Variants in TMEM106B observed in about 807,000 individuals in gnomAD.
TMEM106B encodes transmembrane protein 106B.
Under a neutral mutation model 31.1 loss-of-function variants are expected in TMEM106B, and 15 were observed. That is an observed-to-expected ratio of 0.48 (90% CI 0.32 to 0.74). The LOEUF (loss-of-function observed/expected upper bound fraction) is 0.74. Ranked by LOEUF, TMEM106B falls within the 30% of genes least tolerant of loss-of-function variation. TMEM106B has a pLI of 0.03. For synonymous variants in TMEM106B, 126 were observed against 112.5 expected, an observed-to-expected ratio of 1.12 and a Z score of -0.76; for missense variants, 283 against 327.3, an observed-to-expected ratio of 0.86 and a Z score of 1.04.
chr7:12,229,968 G>C, intron 5 of TMEM106B, 149 bp downstream of exon 5: 1 of 881,842 alleles, frequency 1.1e-6, no homozygotes, highest in Non-Finnish European at 1.7e-6. Context: ...TGTGATCCCC[G>C]CACCTTGGGA....
chr7:12,231,972 G>T lies in TMEM106B; in HGVS notation c.822G>T (p.Gln274His). Reference sequence around the variant, plus strand: ...ATTTAAATGTACTTCAGCCACAACAGTAAAAACTGGAAGAGATGGATTTAA... The same window carrying T: ...ATTTAAATGTACTTCAGCCACAACATTAAAAACTGGAAGAGATGGATTTAA... ...SEYLNVLQPQ[Q>H] is the part of the protein sequence containing the mutation. Residue 274 changes from glutamine to histidine, a missense_variant, in exon 8 of 8, where the codon CAG becomes CAT. Physicochemically the swap from Gln to His is conservative, Grantham distance 24 (BLOSUM62 0). Coordinates refer to ENST00000396668, the MANE Select transcript of TMEM106B (RefSeq NM_001134232.2). 1 of 1,609,430 alleles carries T rather than the reference G, an allele frequency of 6.2e-7. No individual in the cohort carries two copies. The highest frequency in any genetic ancestry group is 1.3e-5 in the African/African-American group (1 of 74,878).
chr7:12,229,597 A>T, intron 4 of TMEM106B, 82 bp from the exon 5 acceptor site: 1 of 1,080,144 alleles, frequency 9.3e-7, no homozygotes, highest in Non-Finnish European at 1.3e-6. Flanking sequence ...AAGCATAGCT[A>T]CAGCTGAAGT....
rs1365008771 is a variant in TMEM106B at position 12,235,680 on chromosome 7, C to A, written c.*3705C>A. The A allele has an allele frequency of 1.3e-5, 2 of 151,722 alleles. No homozygotes were observed. The highest frequency in any genetic ancestry group is 3.0e-5 in the Non-Finnish European group (2 of 67,782). The allele number at this position is 151,722 out of a possible 1,614,324, so 9.4% of individuals were successfully genotyped here. A position where few individuals can be genotyped will look rare whatever the true frequency, so the allele number is the denominator to read the frequency against. ...CTCTCCCGCACCCCATTTTGTTTGT[C>A]TTTTAAAGTTCTTAGAATAAACAGT... On this transcript the variant is annotated 3_prime_UTR_variant, in exon 8 of 8. Coordinates refer to ENST00000396668, the MANE Select transcript of TMEM106B (RefSeq NM_001134232.2).
intron 4 of TMEM106B, 107 bp downstream of exon 4, chr7:12,224,492 A>T: frequency 1.1e-6 from 1 of 887,324 alleles, no homozygotes; most frequent in Non-Finnish European, 1.7e-6. Context: ...GACACTGGTC[A>T]GTGTGCTTTC....
intron 3 of TMEM106B, among the ~76,000 whole-genome samples, chr7:12,218,868 G>T (rs1781737079): frequency 6.6e-6 from 1 of 152,104 alleles, no homozygotes; most frequent in African/African-American, 2.4e-5. Context: ...GGTGACAGCA[G>T]GGACCCCAAC....
rs1403177096 is a variant in TMEM106B, at chr7:12,239,492, A to G, written c.*7517A>G. 1 of 152,160 alleles carries G rather than the reference A, an allele frequency of 6.6e-6. No homozygotes were observed. The highest frequency in any genetic ancestry group is 6.5e-5 in the Admixed American group (1 of 15,268). 9.4% of individuals were successfully genotyped at this position (152,160 alleles called of 1,614,324 possible). Reference sequence around the variant, plus strand: ...TCAAGAACTTTTCCTTTGCCTTCACAACTTGTGCAAGAGACCTAGCTTTCA... The same window carrying G: ...TCAAGAACTTTTCCTTTGCCTTCACGACTTGTGCAAGAGACCTAGCTTTCA... On this transcript the variant is annotated 3_prime_UTR_variant, in exon 8 of 8. Transcript: ENST00000396668.
In TMEM106B at chr7:12,230,580, G is replaced by C; in HGVS notation, c.632+142G>C. ...AGTATTCTGGCTTCTGGTCCTCTCTGTTCCTCTTTTTCAACATATATAATA... is the reference window on the plus strand; with the variant it reads ...AGTATTCTGGCTTCTGGTCCTCTCTCTTCCTCTTTTTCAACATATATAATA... On this transcript the variant is annotated intron_variant, in intron 6 of 7. Transcript: ENST00000396668. The C allele has an allele frequency of 5.5e-6, 3 of 545,796 alleles. No homozygotes were observed. In the South Asian group the frequency reaches 8.8e-5, roughly 16 times the overall value. 33.8% of individuals were successfully genotyped at this position (545,796 alleles called of 1,614,324 possible).
At chr7:12,223,722 CTTTTTTT>C (rs34413750) in intron 3 of TMEM106B, among the ~76,000 whole-genome samples, 2 of 135,694 alleles carry the variant, frequency 1.5e-5, no homozygotes, top group African/African-American at 2.8e-5. Context: ...AATGTGATTC[CTTTTTTT>C]TTTTTTTTTG....
chr7:12,229,743 T>C lies in TMEM106B; in HGVS notation c.506T>C (p.Val169Ala). The C allele has an allele frequency of 1.2e-6, 2 of 1,613,412 alleles. No homozygotes were observed. Among genetic ancestry groups the C allele is most frequent in the Non-Finnish European group, 1.7e-6 (2 of 1,179,686 alleles). Reference sequence around the variant, plus strand: ...GAAGTTGAAAACATCACTGCCCAAGTTCAATTTTCAAAAACAGTTATTGGA... The same window carrying C: ...GAAGTTGAAAACATCACTGCCCAAGCTCAATTTTCAAAAACAGTTATTGGA... Reference protein sequence around the residue: ...SVEVENITAQVQFSKTVIGKA... With the variant: ...SVEVENITAQAQFSKTVIGKA... Residue 169 changes from valine (V) to alanine (A), a missense_variant, in exon 5 of 8, where the codon GTT (valine) becomes GCT (alanine). Physicochemically the swap from Val to Ala is moderately conservative, Grantham distance 64 (BLOSUM62 0). Around this residue, in one of 3 missense-constraint regions of TMEM106B, gnomAD observed 201 missense variants for 211.5 expected, o/e 0.95. Transcript: ENST00000396668.
At chr7:12,221,761 C>G (rs1016081374) in intron 3 of TMEM106B, among the ~76,000 whole-genome samples, 32 of 152,094 alleles carry the variant, frequency 2.1e-4, no homozygotes, top group African/African-American at 7.7e-4. Flanking sequence ...AACTGGGTGT[C>G]CAGAAAGCCA....
At position 12,242,613 on chromosome 7, in the gene TMEM106B, G is replaced by A. The variant is rs1333565925; in HGVS notation, c.*10638G>A. 6.6e-6 allele frequency: 1 copy of A among 152,006 alleles called. No homozygotes were observed. The highest frequency in any genetic ancestry group is 2.4e-5 in the African/African-American group (1 of 41,400). 9.4% of individuals were successfully genotyped at this position (152,006 alleles called of 1,614,324 possible). A position where few individuals can be genotyped will look rare whatever the true frequency, so the allele number is the denominator to read the frequency against. On this transcript the variant is annotated 3_prime_UTR_variant, in exon 8 of 8. Transcript: ENST00000396668. The stretch of plus-strand genomic sequence containing the variant: ...TTTATGCATCTGATATTATCTAATT[G>A]TGTCCTTACTGGGTAACTTGTGTAT...
intron 1 of TMEM106B, 23 bp from the exon 2 acceptor site, chr7:12,214,786 G>C (rs1215000091): frequency 1.3e-6 from 2 of 1,564,552 alleles, no homozygotes; most frequent in South Asian, 1.2e-5. Context: ...GAAGTTTACT[G>C]TAAGATTTTT....
rs1336424537 is a variant in TMEM106B at position 12,236,137 on chromosome 7, C to G, written c.*4162C>G. The G allele has an allele frequency of 6.6e-6, 1 of 151,932 alleles. No homozygotes were observed. The highest frequency in any genetic ancestry group is 1.9e-4 in the East Asian group (1 of 5,190). The allele number at this position is 151,932 out of a possible 1,614,324, so 9.4% of individuals were successfully genotyped here. On this transcript the variant is annotated 3_prime_UTR_variant, in exon 8 of 8. Transcript: ENST00000396668. ...AAAATTTAACTTCTGTGTCCCAGAT[C>G]TACTTTCAAAGTGAGATTTTCACTT...
At position 12,224,516 on chromosome 7, in the gene TMEM106B, T is replaced by A. The variant is rs1445475491; in HGVS notation, c.441+131T>A. On this transcript the variant is annotated intron_variant, in intron 4 of 7. Coordinates refer to ENST00000396668, the MANE Select transcript of TMEM106B (RefSeq NM_001134232.2). Reference sequence around the variant, plus strand: ...CAGTGTGCTTTCTGTATGTCTTTTCTGTATTGACGTTCTCTACCATTTCTG... The same window carrying A: ...CAGTGTGCTTTCTGTATGTCTTTTCAGTATTGACGTTCTCTACCATTTCTG... The A allele has an allele frequency of 2.4e-5, 16 of 678,392 alleles. No homozygotes were observed. The East Asian group carries it at 4.4e-4, about 19-fold the overall frequency. The allele number at this position is 678,392 out of a possible 1,614,324, so 42.0% of individuals were successfully genotyped here.
At position 12,239,597 on chromosome 7, in the gene TMEM106B, AAGTG is replaced by A. The variant is rs1488549486; in HGVS notation, c.*7625_*7628del. On this transcript the variant is annotated 3_prime_UTR_variant, in exon 8 of 8. Transcript: ENST00000396668. Reference sequence around the variant, plus strand: ...GTAATTATTTCTAGCTTTTGATTGAAAGTGAGAGATATGTGACTCTTCCTTTTAC... The same window carrying A: ...GTAATTATTTCTAGCTTTTGATTGAAAGAGATATGTGACTCTTCCTTTTAC... 6.6e-6 allele frequency: 1 copy of A among 152,102 alleles called. No individual in the cohort carries two copies. Among genetic ancestry groups the A allele is most frequent in the African/African-American group, 2.4e-5 (1 of 41,418 alleles). 9.4% of individuals were successfully genotyped at this position (152,102 alleles called of 1,614,324 possible). A position where few individuals can be genotyped will look rare whatever the true frequency, so the allele number is the denominator to read the frequency against.
chr7:12,221,073 G>A (rs1339274232), intron 3 of TMEM106B, among the ~76,000 whole-genome samples: 1 of 141,772 alleles, frequency 7.1e-6, no homozygotes, highest in African/African-American at 2.7e-5. Context: ...AAGAGGGAGT[G>A]GATAAGCAAG....
intron 1 of TMEM106B, among the ~76,000 whole-genome samples, chr7:12,212,875 C>G (rs1032422728): frequency 6.6e-6 from 1 of 152,124 alleles, no homozygotes; most frequent in African/African-American, 2.4e-5. Context: ...GAAAGAAATA[C>G]TATCTGTCTG....
chr7:12,228,450 A>G (rs1781948891), intron 4 of TMEM106B, among the ~76,000 whole-genome samples: 1 of 109,110 alleles, frequency 9.2e-6, no homozygotes, highest in South Asian at 3.4e-4. Context: ...TTTCCTAATT[A>G]TCTGACTTAA....
At chr7:12,230,260 A>G (rs1169569641) in intron 5 of TMEM106B, 129 bp from the exon 6 acceptor site, 1 of 752,264 alleles carries the variant, frequency 1.3e-6, no homozygotes. Context: ...TACACATACA[A>G]GATGAAATCT....
Sources: gnomAD v4.1 joint callset for allele counts (sites outside exome capture counted in the v4.1 genomes callset) on GRCh38, gnomAD v4.1.1 for gene constraint, gnomAD v4.1.1 regional missense constraint, MANE v1.5 for transcripts, NCBI Gene and HGNC (gene_info 2026-07-23, HGNC 2026-07-21) for gene names.